TUBGCP5: variants seen among roughly 807,000 people sequenced by gnomAD.
TUBGCP5 encodes the protein gamma-tubulin complex component 5.
Under a neutral mutation model 134.7 loss-of-function variants are expected in TUBGCP5, and 98 were observed. The observed-to-expected ratio is 0.73, with a 90% CI of 0.62 to 0.86. The LOEUF (loss-of-function observed/expected upper bound fraction) is 0.86. Ranked by LOEUF, TUBGCP5 falls within the 40% of genes least tolerant of loss-of-function variation. The pLI, the probability that TUBGCP5 is intolerant of heterozygous loss-of-function variation, is 0.00. For synonymous variants in TUBGCP5, 456 were observed against 431.4 expected (o/e 1.06, Z -0.71); for missense variants, 1,150 against 1,244.8 (o/e 0.92, Z 1.15).
chr15:23,010,212 A>G, intron 14 of TUBGCP5, 79 bp from the exon 15 acceptor site: 1 of 1,441,108 alleles, frequency 6.9e-7, no homozygotes, highest in Non-Finnish European at 9.4e-7. Flanking sequence ...CTGAAGTTCC[A>G]TTTTTACCTT....
intron 11 of TUBGCP5, among the ~76,000 whole-genome samples, chr15:23,020,041 G>A (rs1269631731): frequency 1.3e-5 from 2 of 152,130 alleles, no homozygotes; most frequent in Non-Finnish European, 2.9e-5. Flanking sequence ...CACTTTGGGA[G>A]GCTGAGGTGG....
chr15:22,996,046 T>C (rs2064061316), downstream of TUBGCP5, among the ~76,000 whole-genome samples: 1 of 152,254 alleles, frequency 6.6e-6, no homozygotes, highest in African/African-American at 2.4e-5. Context: ...AGGATGTTTC[T>C]AGCTTTTAGC....
intron 13 of TUBGCP5, among the ~76,000 whole-genome samples, chr15:23,012,115 CAAAA>C (rs1210798007): frequency 6.2e-5 from 5 of 80,816 alleles, no homozygotes; most frequent in Admixed American, 2.9e-4. Context: ...AAACCTGACT[CAAAA>C]AAAAAAAAAA....
intron 7 of TUBGCP5, among the ~76,000 whole-genome samples, chr15:23,026,544 A>T (rs2065995419): frequency 6.6e-6 from 1 of 152,188 alleles, no homozygotes; most frequent in Admixed American, 6.5e-5. Flanking sequence ...TTTACACTGA[A>T]ATTAACAACA....
In TUBGCP5 at chr15:23,032,741, T is replaced by C. The variant is rs780126080; in HGVS notation, c.393A>G (p.Arg131=). The C allele has an allele frequency of 9.0e-5, 143 of 1,583,562 alleles. 1 individual carries two copies. Among genetic ancestry groups the C allele is most frequent in the Non-Finnish European group, 1.1e-4 (124 of 1,168,150 alleles). ...PSNSSYVETP[R]NKEVEKKDDF... is the part of the protein sequence containing the mutation. ...CTAGTAACATACCCACTTCTTTATT[T>C]CTTGGTGTCTCCACATAACTGCTGT... Residue 131 remains arginine (R), a synonymous_variant, in exon 4 of 23, where the codon AGA becomes AGG. Coordinates refer to ENST00000615383, the MANE Select transcript of TUBGCP5 (RefSeq NM_052903.6).
At chr15:23,010,933 A>T (rs1290685727) in intron 14 of TUBGCP5, among the ~76,000 whole-genome samples, 200 bp downstream of exon 14, 1 of 151,754 alleles carries the variant, frequency 6.6e-6, no homozygotes, top group Non-Finnish European at 1.5e-5. Context: ...GTCAGCCAAG[A>T]TCACACCACT....
intron 12 of TUBGCP5, 125 bp from the exon 13 acceptor site, chr15:23,018,166 T>C (rs2065452275): frequency 5.4e-6 from 5 of 929,776 alleles, no homozygotes; most frequent in African/African-American, 3.4e-5. Context: ...AAGCAAACTT[T>C]AGGCAAAATG....
At chr15:23,027,081 C>A in intron 7 of TUBGCP5, 111 bp downstream of exon 7, 6 of 860,164 alleles carry the variant, frequency 7.0e-6, no homozygotes, top group South Asian at 1.7e-5. Flanking sequence ...ATTGTCAAAA[C>A]AAAAACAAGT....
chr15:22,988,830 G>T (rs1294587457), intron 23 of TUBGCP5, among the ~76,000 whole-genome samples: 1 of 151,876 alleles, frequency 6.6e-6, no homozygotes, highest in African/African-American at 2.4e-5. Context: ...GCAGTGGCGT[G>T]ATCTCAGCTC....
intron 23 of TUBGCP5, among the ~76,000 whole-genome samples, chr15:22,985,035 A>C (rs967684263): frequency 5.3e-5 from 8 of 152,192 alleles, no homozygotes; most frequent in African/African-American, 1.7e-4. Flanking sequence ...TAAAATGACA[A>C]TGCAGGAAAA....
At position 23,017,910 on chromosome 15, in the gene TUBGCP5, C is replaced by A. The variant is rs1161128770; in HGVS notation, c.1619G>T (p.Gly540Val). 2 of 1,614,142 alleles carry A rather than the reference C, an allele frequency of 1.2e-6. No homozygotes were observed. Among genetic ancestry groups the A allele is most frequent in the Non-Finnish European group, 1.7e-6 (2 of 1,180,014 alleles). Residue 540 changes from glycine (G) to valine (V), a missense_variant, in exon 13 of 23, where the codon GGG becomes GTG. By Grantham distance (109) the Gly-to-Val change is moderately radical. Around this residue, in one of 2 missense-constraint regions of TUBGCP5, gnomAD observed 697 missense variants for 850.1 expected, o/e 0.82. Transcript: ENST00000615383. ...CATGGTGTGCTGCCTGCTGGAGGGC[C>A]CCTGGTCACTGCCGGAACTCGCACT... ...NASASSGSDQ[G>V]PSSRQHTMVS...
intron 23 of TUBGCP5, among the ~76,000 whole-genome samples, chr15:22,986,405 C>A (rs766270597): frequency 3.3e-5 from 5 of 152,060 alleles, no homozygotes; most frequent in Admixed American, 6.6e-5. Context: ...TCTATATGAA[C>A]TTCCATGACA....
chr15:23,008,556 C>G, intron 16 of TUBGCP5, 143 bp downstream of exon 16: 1 of 1,086,496 alleles, frequency 9.2e-7, no homozygotes. Context: ...CCGTGCCTGG[C>G]CTCCATTTTC....
intron 13 of TUBGCP5, among the ~76,000 whole-genome samples, chr15:23,015,433 G>T (rs1220968267): frequency 1.3e-5 from 2 of 150,780 alleles, no homozygotes; most frequent in Non-Finnish European, 3.0e-5. Flanking sequence ...CTTGAGGCTA[G>T]GAGTTTGAGA....
chr15:22,988,845 C>T (rs946562566), intron 23 of TUBGCP5, among the ~76,000 whole-genome samples: 1 of 151,968 alleles, frequency 6.6e-6, no homozygotes, highest in African/African-American at 2.4e-5. Flanking sequence ...CAGCTCACTG[C>T]AACCTCCGAT....
intron 10 of TUBGCP5, 45 bp from the exon 11 acceptor site, chr15:23,022,206 T>C (rs751394136): frequency 2.5e-6 from 4 of 1,589,134 alleles, no homozygotes; most frequent in South Asian, 2.2e-5. Flanking sequence ...GAAAAATACA[T>C]GCATCTAAAA....
intron 23 of TUBGCP5, among the ~76,000 whole-genome samples, chr15:22,989,320 A>G (rs571614536): frequency 4.6e-4 from 70 of 152,280 alleles, no homozygotes; most frequent in African/African-American, 1.7e-3. Flanking sequence ...GCCCAGCTGG[A>G]CTGCCTGGGA....
intron 3 of TUBGCP5, among the ~76,000 whole-genome samples, chr15:23,034,941 C>T (rs1235381937): frequency 6.6e-6 from 1 of 151,974 alleles, no homozygotes; most frequent in Non-Finnish European, 1.5e-5. Flanking sequence ...AATCTCTAGA[C>T]ATACTAACCA....
chr15:22,983,496 G>T (rs2063591389), exon 24 of TUBGCP5: 11 of 152,208 alleles, frequency 7.2e-5, no homozygotes, highest in Admixed American at 7.2e-4. Flanking sequence ...AGCATTTTGG[G>T]AGGTCAAGGT....
Sources: allele counts gnomAD v4.1 joint callset (sites outside exome capture counted in the v4.1 genomes callset), GRCh38; gene constraint gnomAD v4.1.1; regional missense constraint gnomAD v4.1.1; transcripts MANE v1.5; gene names NCBI Gene and HGNC (gene_info 2026-07-23, HGNC 2026-07-21).